The following VSIG10 variants were observed in gnomAD, a reference collection of about 807,000 sequenced individuals.
VSIG10 encodes V-set and immunoglobulin domain containing 10, also known as V-set and immunoglobulin domain-containing protein 10.
VSIG10 carries 48 observed loss-of-function variants against 58.7 expected under a neutral mutation model. The ratio of observed to expected loss-of-function variants is 0.82; its 90% CI spans 0.65 to 1.04. VSIG10 has a LOEUF of 1.04. Among genes scored for constraint, VSIG10 ranks in the 50% least tolerant of loss-of-function variants. The probability of loss-of-function intolerance (pLI) is 0.00; values close to 1 mark genes in which losing one functional copy is unlikely to be tolerated. For missense variants in VSIG10, 628 were observed against 670.0 expected, an observed-to-expected ratio of 0.94 and a Z score of 0.69; for synonymous variants, 260 against 267.1, an observed-to-expected ratio of 0.97 and a Z score of 0.26.
intron 7 of VSIG10, among the ~76,000 whole-genome samples, chr12:118,069,715 C>T (rs980120072): frequency 2.0e-5 from 3 of 151,822 alleles, no homozygotes; most frequent in Admixed American, 2.0e-4. Context: ...GCGTGAGCCA[C>T]TGCACCCGGC....
chr12:118,068,327 G>C (rs371821072), intron 8 of VSIG10, 50 bp downstream of exon 8: 1 of 1,588,176 alleles, frequency 6.3e-7, no homozygotes, highest in South Asian at 1.1e-5. Context: ...GAGCCAACGC[G>C]CCTTTTTTTG....
At position 118,082,838 on chromosome 12, in the gene VSIG10, C is replaced by T. The variant is rs553106286; in HGVS notation, c.362-409G>A. Reference sequence around the variant, plus strand: ...CAAAAAAATTAAAAATTAGGGCCAGCGCGGTGGCTCATGCCTGAATTCCCA... The same window carrying T: ...CAAAAAAATTAAAAATTAGGGCCAGTGCGGTGGCTCATGCCTGAATTCCCA... On this transcript the variant is annotated intron_variant, in intron 2 of 8. Coordinates refer to ENST00000359236, the MANE Select transcript of VSIG10 (RefSeq NM_019086.6). Among the ~76,000 whole-genome samples the T allele has an allele frequency of 2.6e-4, 39 of 151,578 alleles. 1 individual carries two copies. In the South Asian group the frequency reaches 3.3e-3, roughly 13 times the overall value.
chr12:118,085,909 C>A (rs1382469190), intron 2 of VSIG10, among the ~76,000 whole-genome samples: 1 of 151,452 alleles, frequency 6.6e-6, no homozygotes, highest in African/African-American at 2.4e-5. Flanking sequence ...GTAATCCCAG[C>A]ACTTTGGGAG....
chr12:118,075,899 T>C (rs2032707660), intron 4 of VSIG10, among the ~76,000 whole-genome samples: 1 of 152,222 alleles, frequency 6.6e-6, no homozygotes, highest in Non-Finnish European at 1.5e-5. Flanking sequence ...TGCCCCAGTC[T>C]GCCCAGGACG....
At chr12:118,090,829 T>C (rs928743219) in intron 2 of VSIG10, among the ~76,000 whole-genome samples, 2 of 151,960 alleles carry the variant, frequency 1.3e-5, no homozygotes, top group Admixed American at 6.6e-5. Context: ...TACTTACCAA[T>C]CAGTTTAAAT....
In VSIG10 at chr12:118,068,582, A is replaced by G. The variant is rs756303378; in HGVS notation, c.1362T>C (p.Asp454=). The G allele has an allele frequency of 6.4e-7, 1 of 1,562,690 alleles. No individual in the cohort carries two copies. Among genetic ancestry groups the G allele is most frequent in the South Asian group, 1.2e-5 (1 of 85,308 alleles). The change falls in exon 8 of 9, where the codon GAT becomes GAC. Residue 454 remains aspartate, a synonymous_variant. Coordinates refer to ENST00000359236, the MANE Select transcript of VSIG10 (RefSeq NM_019086.6). ...VGNTSRGQNM[D]DVMVLVDSEE... is the part of the protein sequence containing the mutation. ...CTGAATCCACCAAAACCATGACATC[A>G]TCCATGTTTTGTCCCCTAATTTCCA...
chr12:118,095,440 T>C (rs2033419367), intron 2 of VSIG10, 93 bp downstream of exon 2: 1 of 1,510,388 alleles, frequency 6.6e-7, no homozygotes, highest in South Asian at 1.3e-5. Context: ...TTCCAGGCCA[T>C]CCGAACCCAA....
intron 4 of VSIG10, among the ~76,000 whole-genome samples, chr12:118,075,738 G>C (rs117608723): frequency 2.0e-5 from 3 of 151,978 alleles, no homozygotes; most frequent in African/African-American, 7.2e-5. Context: ...GCAAGGCACT[G>C]TTACATGTAT....
chr12:118,087,365 C>T (rs1280138110), intron 2 of VSIG10, among the ~76,000 whole-genome samples: 1 of 151,906 alleles, frequency 6.6e-6, no homozygotes, highest in Non-Finnish European at 1.5e-5. Context: ...AAGCAGAGGA[C>T]CAAGGGGTAA....
At chr12:118,083,556 G>C (rs996613123) in intron 2 of VSIG10, among the ~76,000 whole-genome samples, 17 of 152,092 alleles carry the variant, frequency 1.1e-4, no homozygotes, top group Middle Eastern at 3.2e-3. Flanking sequence ...TCCAGCCTGG[G>C]CAACAGAGTG....
At chr12:118,066,796 G>A in intron 8 of VSIG10, 102 bp from the exon 9 acceptor site, 1 of 1,293,292 alleles carries the variant, frequency 7.7e-7, no homozygotes, top group Non-Finnish European at 1.1e-6. Context: ...CTTTCCTGGT[G>A]AGCCACAGAA....
chr12:118,072,321 C>T (rs1224392693), intron 5 of VSIG10, among the ~76,000 whole-genome samples: 11 of 151,628 alleles, frequency 7.3e-5, no homozygotes, highest in Non-Finnish European at 1.5e-4. Context: ...AAAAATTAGC[C>T]GGGCACAGCG....
At chr12:118,095,410 G>A in intron 2 of VSIG10, 123 bp downstream of exon 2, 1 of 1,260,886 alleles carries the variant, frequency 7.9e-7, no homozygotes, top group Non-Finnish European at 1.1e-6. Flanking sequence ...CAGCTTCCAT[G>A]TGGCAGGGCC....
At chr12:118,094,619 G>A (rs1457348602) in intron 2 of VSIG10, among the ~76,000 whole-genome samples, 1 of 151,854 alleles carries the variant, frequency 6.6e-6, no homozygotes, top group Non-Finnish European at 1.5e-5. Context: ...CCTGACTTTG[G>A]GTGATCTGCC....
intron 2 of VSIG10, among the ~76,000 whole-genome samples, chr12:118,090,244 G>A (rs2033254234): frequency 6.6e-6 from 1 of 152,144 alleles, no homozygotes; most frequent in African/African-American, 2.4e-5. Context: ...GGCGGAGGTG[G>A]TTGTGAGCCG....
chr12:118,092,631 T>C (rs891517286), intron 2 of VSIG10, among the ~76,000 whole-genome samples: 1 of 73,896 alleles, frequency 1.4e-5, no homozygotes, highest in African/African-American at 4.7e-5. Flanking sequence ...CATATGATTT[T>C]CTTTTTCTTT....
At chr12:118,086,089 C>T (rs1336278662) in intron 2 of VSIG10, among the ~76,000 whole-genome samples, 2 of 151,578 alleles carry the variant, frequency 1.3e-5, no homozygotes, top group Non-Finnish European at 2.9e-5. Context: ...ACCCGGGAGG[C>T]AGAGGTTGCA....
chr12:118,079,841 C>G (rs10850955), intron 3 of VSIG10, among the ~76,000 whole-genome samples: 97,311 of 151,552 alleles, frequency 0.64, 32,262 homozygotes, highest in African/African-American at 0.8. Context: ...TTCTTTCTTT[C>G]TTTGTTTTTG....
At chr12:118,092,444 T>G (rs1447933494) in intron 2 of VSIG10, among the ~76,000 whole-genome samples, 2 of 151,998 alleles carry the variant, frequency 1.3e-5, no homozygotes, top group Non-Finnish European at 2.9e-5. Flanking sequence ...CAGCAAACTC[T>G]CTCTGTAAAG....
Sources: allele counts gnomAD v4.1 joint callset (sites outside exome capture counted in the v4.1 genomes callset), GRCh38; gene constraint gnomAD v4.1.1; transcripts MANE v1.5; gene names NCBI Gene and HGNC (gene_info 2026-07-23, HGNC 2026-07-21).